PTN: variants seen among roughly 807,000 people sequenced by gnomAD.
PTN encodes heparin affin regulatory protein.
Under a neutral mutation model 24.1 loss-of-function variants are expected in PTN, and 18 were observed. That is an observed-to-expected ratio of 0.75 (90% CI 0.52 to 1.11). The LOEUF is 1.11. PTN is among the 50% of genes least tolerant of loss of function. The pLI is 0.00. For missense variants in PTN, 163 were observed against 198.8 expected, an observed-to-expected ratio of 0.82 and a Z score of 1.08; for synonymous variants, 78 against 68.6, an observed-to-expected ratio of 1.14 and a Z score of -0.67.
intron 4 of PTN, among the ~76,000 whole-genome samples, chr7:137,242,269 G>A (rs1808643923): frequency 6.6e-6 from 1 of 152,150 alleles, no homozygotes; most frequent in Non-Finnish European, 1.5e-5. Context: ...ACAAGAGAGG[G>A]CTAGGCGGCT....
chr7:137,242,792 C>T (rs935794143), intron 4 of PTN, among the ~76,000 whole-genome samples: 1 of 152,192 alleles, frequency 6.6e-6, no homozygotes, highest in African/African-American at 2.4e-5. Context: ...TGGGCTGCAC[C>T]GTCCCCTGAC....
At chr7:137,283,127 G>C (rs1214514047) in intron 1 of PTN, among the ~76,000 whole-genome samples, 8 of 151,904 alleles carry the variant, frequency 5.3e-5, no homozygotes, top group Non-Finnish European at 1.2e-4. Flanking sequence ...ACACTGCTAG[G>C]AAGTGTCCAC....
intron 1 of PTN, among the ~76,000 whole-genome samples, chr7:137,329,972 T>C (rs1158606055): frequency 1.3e-5 from 2 of 152,146 alleles, no homozygotes; most frequent in East Asian, 3.9e-4. Context: ...AGTAGCTTCT[T>C]ATGGAAACCT....
intron 1 of PTN, among the ~76,000 whole-genome samples, chr7:137,329,302 G>A (rs1231216160): frequency 1.3e-5 from 2 of 152,190 alleles, no homozygotes; most frequent in Non-Finnish European, 2.9e-5. Context: ...AGAACAGAAA[G>A]CAAGGCCTTC....
At chr7:137,295,284 A>G (rs13230752) in intron 1 of PTN, among the ~76,000 whole-genome samples, 17,581 of 152,214 alleles carry the variant, frequency 0.12, 1,384 homozygotes, top group Middle Eastern at 0.21. Flanking sequence ...ATTATTCAAA[A>G]TGTTCTTTTT....
At chr7:137,240,041 C>G (rs542892422) in intron 4 of PTN, among the ~76,000 whole-genome samples, 3 of 152,294 alleles carry the variant, frequency 2.0e-5, no homozygotes, top group East Asian at 3.9e-4. Context: ...TCTCTCTCTT[C>G]CAAACCAAGT....
chr7:137,313,890 G>A (rs1385137134), intron 1 of PTN, among the ~76,000 whole-genome samples: 1 of 152,170 alleles, frequency 6.6e-6, no homozygotes, highest in Non-Finnish European at 1.5e-5. Flanking sequence ...AGAATTGGAT[G>A]TTCACCATGC....
At chr7:137,294,154 C>T (rs372869621) in intron 1 of PTN, among the ~76,000 whole-genome samples, 80 of 152,110 alleles carry the variant, frequency 5.3e-4, no homozygotes, top group Middle Eastern at 3.4e-3. Flanking sequence ...ACCTTAGTTG[C>T]GAGCTGATTT....
At chr7:137,277,487 CAA>C (rs2128875297) in intron 1 of PTN, among the ~76,000 whole-genome samples, 1 of 151,922 alleles carries the variant, frequency 6.6e-6, no homozygotes, top group East Asian at 1.9e-4. Flanking sequence ...TTGTAATAGC[CAA>C]AAATGGTAAT....
At chr7:137,315,555 T>C (rs1810058466) in intron 1 of PTN, among the ~76,000 whole-genome samples, 1 of 152,142 alleles carries the variant, frequency 6.6e-6, no homozygotes, top group South Asian at 2.1e-4. Context: ...CGTGGGCAAG[T>C]TGGGACATTG....
At chr7:137,335,796 T>C (rs766626790) in intron 1 of PTN, among the ~76,000 whole-genome samples, 1 of 152,200 alleles carries the variant, frequency 6.6e-6, no homozygotes, top group Non-Finnish European at 1.5e-5. Context: ...CTAAGGCTTA[T>C]ATTTAGTGAG....
intron 1 of PTN, among the ~76,000 whole-genome samples, chr7:137,268,616 C>A (rs1809207294): frequency 6.6e-6 from 1 of 152,176 alleles, no homozygotes; most frequent in Admixed American, 6.5e-5. Context: ...CAGTGTCCTT[C>A]CATACAATGT....
At chr7:137,318,134 G>A (rs918605922) in intron 1 of PTN, among the ~76,000 whole-genome samples, 36 of 152,260 alleles carry the variant, frequency 2.4e-4, no homozygotes, top group African/African-American at 8.7e-4. Context: ...CAGGCATGGC[G>A]GCACATGCCT....
intron 1 of PTN, chr7:137,326,221 A>G (rs1200186317): frequency 6.6e-6 from 1 of 152,184 alleles, no homozygotes; most frequent in Admixed American, 6.6e-5. Context: ...AGAAGCCTGC[A>G]CGTAGTTCAT....
chr7:137,266,213 A>G (rs1253484769), intron 1 of PTN, among the ~76,000 whole-genome samples: 1 of 152,148 alleles, frequency 6.6e-6, no homozygotes, highest in Non-Finnish European at 1.5e-5. Flanking sequence ...TACTTTTTTA[A>G]GTTTAGCTAA....
chr7:137,272,890 G>T (rs1374767224), intron 1 of PTN, among the ~76,000 whole-genome samples: 1 of 152,194 alleles, frequency 6.6e-6, no homozygotes, highest in Admixed American at 6.5e-5. Context: ...TCTCATCTGA[G>T]AAAAACTACC....
At chr7:137,253,389 C>A (rs764396230) in intron 3 of PTN, 75 bp downstream of exon 3, 43 of 1,430,138 alleles carry the variant, frequency 3.0e-5, no homozygotes, top group Admixed American at 2.6e-4. Flanking sequence ...AGTACTTATC[C>A]TTAAAAAGAC....
chr7:137,330,899 A>T (rs1472762982), intron 1 of PTN, among the ~76,000 whole-genome samples: 3 of 152,140 alleles, frequency 2.0e-5, no homozygotes, highest in Admixed American at 6.5e-5. Flanking sequence ...ATACACCATG[A>T]CAGCCAGATG....
At chr7:137,244,184 T>C (rs1443607018) in intron 4 of PTN, among the ~76,000 whole-genome samples, 1 of 152,142 alleles carries the variant, frequency 6.6e-6, no homozygotes, top group Non-Finnish European at 1.5e-5. Flanking sequence ...CTGGTAATCA[T>C]TAAGCAAATT....
Sources: gnomAD v4.1 joint callset for allele counts (sites outside exome capture counted in the v4.1 genomes callset) on GRCh38, gnomAD v4.1.1 for gene constraint, MANE v1.5 for transcripts, NCBI Gene and HGNC (gene_info 2026-07-23, HGNC 2026-07-21) for gene names.